Variants in MOGAT2 observed in about 807,000 individuals in gnomAD.
The protein encoded by MOGAT2 is monoacylglycerol O-acyltransferase 2.
MOGAT2 carries 27 observed loss-of-function variants against 31.5 expected under a neutral mutation model. The ratio of observed to expected loss-of-function variants is 0.86; its 90% confidence interval spans 0.63 to 1.18. The LOEUF is 1.18. Among genes scored for constraint, MOGAT2 ranks in the 50% most tolerant of loss-of-function variants. The probability of loss-of-function intolerance (pLI) is 0.00; values close to 1 mark genes in which losing one functional copy is unlikely to be tolerated. For synonymous variants in MOGAT2, 163 were observed against 170.0 expected (o/e 0.96, Z 0.32); for missense variants, 436 against 433.2 (o/e 1.01, Z -0.06).
Position 75,727,970 on chromosome 11 carries a change from G to T in MOGAT2, c.476G>T (p.Gly159Val). 2 of 1,606,132 alleles carry T rather than the reference G, an allele frequency of 1.2e-6. No individual in the cohort carries two copies. The highest frequency in any genetic ancestry group is 1.7e-6 in the Non-Finnish European group (2 of 1,175,190). ...CTGACCCACTTTTCTCTTTCCCTAG[G>T]GTTGGTCACATCAGAAAAGGAGAGT... ...PFFRDYIMSA[G>V]LVTSEKESAA... Residue 159 changes from glycine to valine, a missense_variant and splice_region_variant, in exon 4 of 6, where the codon GGG becomes GTG. Coordinates refer to ENST00000198801, the MANE Select transcript of MOGAT2 (RefSeq NM_025098.4).
chr11:75,718,007 A>G (rs201572381), intron 1 of MOGAT2, 28 bp downstream of exon 1: 1 of 1,607,424 alleles, frequency 6.2e-7, no homozygotes, highest in East Asian at 2.2e-5. Flanking sequence ...GTAAGACGGG[A>G]GACCACCGCA....
chr11:75,729,692 C>T (rs12275093), intron 5 of MOGAT2, among the ~76,000 whole-genome samples: 9,362 of 150,064 alleles, frequency 0.062, 933 homozygotes, highest in African/African-American at 0.21. Context: ...GAGGTTTTTA[C>T]TAAGATCATT....
At chr11:75,725,859 TC>T (rs1944417617) in intron 2 of MOGAT2, among the ~76,000 whole-genome samples, 1 of 152,192 alleles carries the variant, frequency 6.6e-6, no homozygotes, top group African/African-American at 2.4e-5. Flanking sequence ...TCAGGGAGCC[TC>T]CCGATGGGGT....
At chr11:75,721,266 C>G (rs1456510094) in intron 2 of MOGAT2, among the ~76,000 whole-genome samples, 2 of 151,828 alleles carry the variant, frequency 1.3e-5, no homozygotes, top group Non-Finnish European at 2.9e-5. Flanking sequence ...TGAGACAAAG[C>G]AAGTAAAGCA....
intron 2 of MOGAT2, 147 bp downstream of exon 2, chr11:75,720,317 C>T: frequency 1.2e-6 from 1 of 817,132 alleles, no homozygotes; most frequent in Non-Finnish European, 1.9e-6. Flanking sequence ...GCTTCCGCTA[C>T]TATGTGACCT....
Position 75,717,903 on chromosome 11 carries a change from G to A in MOGAT2, c.15G>A (p.Ala5=), listed in dbSNP as rs755110055. The A allele has an allele frequency of 4.2e-5, 67 of 1,614,026 alleles. No individual in the cohort carries two copies. The highest frequency in any genetic ancestry group is 5.5e-5 in the South Asian group (5 of 91,066). Residue 5 remains alanine, a synonymous_variant, in exon 1 of 6, where the codon GCG becomes GCA. Transcript: ENST00000198801. ...GACCCGCCAGCATGGTAGAGTTCGC[G>A]CCCTTGTTTATGCCGTGGGAGCGCA... The part of the protein sequence containing the change: MVEF[A]PLFMPWERRL...
chr11:75,720,796 T>C lies in MOGAT2; in HGVS notation c.270+626T>C, dbSNP rs373877443. Among the ~76,000 whole-genome samples the C allele has an allele frequency of 5.9e-5, 9 of 152,256 alleles. No individual in the cohort carries two copies. In the East Asian group the frequency reaches 1.7e-3, roughly 29 times the overall value. On this transcript the variant is annotated intron_variant, in intron 2 of 5. Coordinates refer to ENST00000198801, the MANE Select transcript of MOGAT2 (RefSeq NM_025098.4). ...ATCTAGTAAGTACACTGATTCCTCC[T>C]CCTCTGCATGCCTTCAAATCTCTGG...
chr11:75,719,131 C>T (rs1397622870), intron 1 of MOGAT2, among the ~76,000 whole-genome samples: 1 of 152,198 alleles, frequency 6.6e-6, no homozygotes, highest in Non-Finnish European at 1.5e-5. Flanking sequence ...GGTTTTTAGA[C>T]ATTTTACACA....
intron 2 of MOGAT2, among the ~76,000 whole-genome samples, chr11:75,721,046 G>A (rs1340864351): frequency 6.6e-6 from 1 of 152,102 alleles, no homozygotes; most frequent in African/African-American, 2.4e-5. Context: ...GAAGGGACAG[G>A]CAGGGGCAGT....
chr11:75,721,391 T>A (rs1944375335), intron 2 of MOGAT2, among the ~76,000 whole-genome samples: 1 of 152,092 alleles, frequency 6.6e-6, no homozygotes, highest in South Asian at 2.1e-4. Context: ...CAAGCAATTC[T>A]CCTACCTCAG....
At chr11:75,719,703 GGGGATGGAGTGAATTAGGCGGCC>G (rs1444027005) in intron 1 of MOGAT2, 1 of 432,284 alleles carries the variant, frequency 2.3e-6, no homozygotes, top group African/African-American at 1.9e-5. Flanking sequence ...AGGACAGGCA[GGGGATGGAGTGAATTAGGCGGCC>G]TGGTGCAGTG....
At chr11:75,719,547 G>A (rs551695409) in intron 1 of MOGAT2, 80 of 156,956 alleles carry the variant, frequency 5.1e-4, no homozygotes, top group Non-Finnish European at 8.5e-4. Flanking sequence ...TGGGAAAATG[G>A]GGCAGAGGAT....
intron 5 of MOGAT2, among the ~76,000 whole-genome samples, chr11:75,729,210 C>A (rs976197490): frequency 2.0e-5 from 3 of 152,208 alleles, no homozygotes; most frequent in Admixed American, 2.0e-4. Flanking sequence ...TTGCTGAGCA[C>A]CTGCTGTGTG....
chr11:75,720,405 T>A (rs1944367980), intron 2 of MOGAT2, among the ~76,000 whole-genome samples: 1 of 152,186 alleles, frequency 6.6e-6, no homozygotes, highest in South Asian at 2.1e-4. Context: ...TTGATGGATG[T>A]CCAGCATTTG....
At chr11:75,728,760 A>G in intron 4 of MOGAT2, 30 bp from the exon 5 acceptor site, 1 of 1,599,378 alleles carries the variant, frequency 6.3e-7, no homozygotes, top group Non-Finnish European at 8.6e-7. Context: ...GGGGCCTCCC[A>G]CATGCCCTCT....
chr11:75,720,886 A>G (rs1420572651), intron 2 of MOGAT2, among the ~76,000 whole-genome samples: 2 of 152,192 alleles, frequency 1.3e-5, no homozygotes, highest in Admixed American at 1.3e-4. Flanking sequence ...AGTTGTGTCC[A>G]GAGCAGAGCA....
At chr11:75,729,610 T>C (rs947865476) in intron 5 of MOGAT2, among the ~76,000 whole-genome samples, 1 of 151,914 alleles carries the variant, frequency 6.6e-6, no homozygotes, top group African/African-American at 2.4e-5. Flanking sequence ...CCCCATTTCA[T>C]TGATGGTAAA....
chr11:75,726,604 A>T (rs756662024), intron 2 of MOGAT2, among the ~76,000 whole-genome samples: 1 of 151,894 alleles, frequency 6.6e-6, no homozygotes, highest in African/African-American at 2.4e-5. Flanking sequence ...GTCTGTATAT[A>T]TTCACTACAG....
chr11:75,727,163 C>T (rs1289604048), intron 2 of MOGAT2, among the ~76,000 whole-genome samples: 4 of 152,152 alleles, frequency 2.6e-5, no homozygotes, highest in Non-Finnish European at 5.9e-5. Flanking sequence ...GGTCCAAATA[C>T]TCTATTGCCA....
Sources: gnomAD v4.1 joint callset for allele counts (sites outside exome capture counted in the v4.1 genomes callset) on GRCh38, gnomAD v4.1.1 for gene constraint, MANE v1.5 for transcripts, NCBI Gene and HGNC (gene_info 2026-07-23, HGNC 2026-07-21) for gene names.